Variants in FEV observed in about 807,000 individuals in gnomAD.
The protein encoded by FEV is FEV transcription factor, ETS family member.
In FEV, 14 loss-of-function variants were observed where a neutral mutation model predicts 20.5. That is an observed-to-expected ratio of 0.68 (90% CI 0.45 to 1.07). The LOEUF is 1.07. Ranked by LOEUF, FEV falls within the 50% of genes least tolerant of loss-of-function variation. The pLI is 0.00. For missense variants in FEV, 301 were observed against 345.3 expected (o/e 0.87, Z 1.02); for synonymous variants, 188 against 163.7 (o/e 1.15, Z -1.13).
chr2:218,982,171 A>T lies in FEV; in HGVS notation c.213T>A (p.Gly71=). 2 of 1,612,730 alleles carry T rather than the reference A, an allele frequency of 1.2e-6. No individual in the cohort carries two copies. Among genetic ancestry groups the T allele is most frequent in the Non-Finnish European group, 1.7e-6 (2 of 1,179,678 alleles). ...ANAGCIAWEG[G]HGEFKLTDPD... Reference sequence around the variant, plus strand: ...GGTCCGTGAGCTTGAACTCGCCGTGACCGCCCTCCCACGCGATGCAGCCGG... The same window carrying T: ...GGTCCGTGAGCTTGAACTCGCCGTGTCCGCCCTCCCACGCGATGCAGCCGG... Residue 71 remains glycine (G), a synonymous_variant, in exon 3 of 3, where the codon GGT becomes GGA. Transcript: ENST00000295727.
intron 2 of FEV, among the ~76,000 whole-genome samples, chr2:218,982,967 G>C (rs1945405044): frequency 6.6e-6 from 1 of 152,236 alleles, no homozygotes; most frequent in Non-Finnish European, 1.5e-5. Context: ...ACCTTCGGGT[G>C]CGCAGGCCTC....
chr2:218,983,814 G>C (rs1345276930), intron 2 of FEV, among the ~76,000 whole-genome samples: 3 of 152,184 alleles, frequency 2.0e-5, no homozygotes, highest in Non-Finnish European at 4.4e-5. Flanking sequence ...AGCGCCGGAG[G>C]GTGAAGCAGG....
Position 218,984,260 on chromosome 2 carries a change from C to T in FEV, c.98G>A (p.Trp33Ter). ...CTGAACCGCGGGGCTCAGCGGCCCC[C>T]AGCTCGGGTTCTTCCCGTCCTTGAA... ...GLFKDGKNPS[W>*]GPLSPAVQKG... is the part of the protein sequence containing the mutation. Residue 33 changes from tryptophan (W) to a stop codon, truncating the protein, a stop_gained, in exon 2 of 3, where the codon TGG becomes TAG. Transcript: ENST00000295727. LOFTEE classifies it high-confidence loss of function. This position sits in a 1 kb window ranked among gnomAD's most constrained non-coding sequence, Gnocchi z 5.0. 1.2e-6 allele frequency: 2 copies of T among 1,602,284 alleles called. No homozygotes were observed. Among genetic ancestry groups the T allele is most frequent in the South Asian group, 1.1e-5 (1 of 88,994 alleles).
At position 218,981,769 on chromosome 2, in the gene FEV, G is replaced by A; in HGVS notation, c.615C>T (p.Ala205=). ...WPGPGPAATA[A]AATAALYPSP... is the part of the protein sequence containing the mutation. ...TGGGGTAGAGCGCGGCGGTGGCGGC[G>A]GCAGCGGTGGCGGCGGGGCCCGGGC... Residue 205 remains alanine, a synonymous_variant, in exon 3 of 3, where the codon GCC becomes GCT. Coordinates refer to ENST00000295727, the MANE Select transcript of FEV (RefSeq NM_017521.3). This position sits in a 1 kb window ranked among gnomAD's most constrained non-coding sequence, Gnocchi z 4.5. The A allele has an allele frequency of 7.9e-7, 1 of 1,268,458 alleles. No homozygotes were observed. The highest frequency in any genetic ancestry group is 9.9e-7 in the Non-Finnish European group (1 of 1,014,442). 78.6% of individuals were successfully genotyped at this position (1,268,458 alleles called of 1,614,324 possible).
In FEV at chr2:218,984,951, C is replaced by G; in HGVS notation, c.52+73G>C. On this transcript the variant is annotated intron_variant, in intron 1 of 2. Coordinates refer to ENST00000295727, the MANE Select transcript of FEV (RefSeq NM_017521.3). The surrounding 1 kb of genome is among the most constrained non-coding windows in gnomAD (Gnocchi z 5.0). The stretch of plus-strand genomic sequence containing the variant: ...TCTCCTTCCCCTGGACCCCAGCACT[C>G]TCTTCCCATGCCTGAGCCTAGACTT... 1 of 1,381,714 alleles carries G rather than the reference C, an allele frequency of 7.2e-7. No homozygotes were observed. Among genetic ancestry groups the G allele is most frequent in the East Asian group, 2.5e-5 (1 of 40,132 alleles). 85.6% of individuals were successfully genotyped at this position (1,381,714 alleles called of 1,614,324 possible). A position where few individuals can be genotyped will look rare whatever the true frequency, so the allele number is the denominator to read the frequency against.
chr2:218,984,241 C>A lies in FEV; in HGVS notation c.117G>T (p.Ala39=). ...KNPSWGPLSP[A]VQKGSGQIQL... ...CGCCGGCCATCTCACCTTTCTGAAC[C>A]GCGGGGCTCAGCGGCCCCCAGCTCG... The change falls in exon 2 of 3, where the codon GCG becomes GCT. Residue 39 remains alanine, a synonymous_variant. Transcript: ENST00000295727. This position sits in a 1 kb window ranked among gnomAD's most constrained non-coding sequence, Gnocchi z 5.0. 1 of 1,597,716 alleles carries A rather than the reference C, an allele frequency of 6.3e-7. No homozygotes were observed. The highest frequency in any genetic ancestry group is 1.7e-5 in the Admixed American group (1 of 58,306).
At position 218,981,664 on chromosome 2, in the gene FEV, C is replaced by A; in HGVS notation, c.*3G>T. 7.6e-7 allele frequency: 1 copy of A among 1,308,698 alleles called. No individual in the cohort carries two copies. The highest frequency in any genetic ancestry group is 2.4e-5 in the South Asian group (1 of 41,548). 81.1% of individuals were successfully genotyped at this position (1,308,698 alleles called of 1,614,324 possible). A position where few individuals can be genotyped will look rare whatever the true frequency, so the allele number is the denominator to read the frequency against. On this transcript the variant is annotated 3_prime_UTR_variant, in exon 3 of 3. Transcript: ENST00000295727. The surrounding 1 kb of genome is among the most constrained non-coding windows in gnomAD (Gnocchi z 4.5). Reference sequence around the variant, plus strand: ...CGAGGCCGCAGGCACCCGACCGCCCCGTCTAGTGGTAATGGCCCCCCAAGT... The same window carrying A: ...CGAGGCCGCAGGCACCCGACCGCCCAGTCTAGTGGTAATGGCCCCCCAAGT...
In FEV at chr2:218,981,663, C is replaced by A; in HGVS notation, c.*4G>T. The A allele has an allele frequency of 1.5e-6, 2 of 1,307,934 alleles. No individual in the cohort carries two copies. The highest frequency in any genetic ancestry group is 4.1e-5 in the Admixed American group (1 of 24,550). 81.0% of individuals were successfully genotyped at this position (1,307,934 alleles called of 1,614,324 possible). On this transcript the variant is annotated 3_prime_UTR_variant, in exon 3 of 3. Transcript: ENST00000295727. This position sits in a 1 kb window ranked among gnomAD's most constrained non-coding sequence, Gnocchi z 4.5. The stretch of plus-strand genomic sequence containing the variant: ...GCGAGGCCGCAGGCACCCGACCGCC[C>A]CGTCTAGTGGTAATGGCCCCCCAAG...
Position 218,981,779 on chromosome 2 carries a change from GC to G in FEV, c.604del (p.Ala202ProfsTer157). 7 of 1,266,304 alleles carry G rather than the reference GC, an allele frequency of 5.5e-6. No homozygotes were observed. The highest frequency in any genetic ancestry group is 6.9e-6 in the Non-Finnish European group (7 of 1,013,114). The allele number at this position is 1,266,304 out of a possible 1,614,324, so 78.4% of individuals were successfully genotyped here. ...FSYWPGPGPA[A>X]TAAAATAALY... ...CGCGGCGGTGGCGGCGGCAGCGGTG[GC>G]GGCGGGGCCCGGGCCCGGCCAGTAG... On this transcript the variant is annotated frameshift_variant, in exon 3 of 3. Transcript: ENST00000295727. LOFTEE classifies it high-confidence loss of function. This position sits in a 1 kb window ranked among gnomAD's most constrained non-coding sequence, Gnocchi z 4.5.
chr2:218,982,180 C>T lies in FEV; in HGVS notation c.204G>A (p.Trp68Ter). 1 of 1,612,572 alleles carries T rather than the reference C, an allele frequency of 6.2e-7. No homozygotes were observed. Among genetic ancestry groups the T allele is most frequent in the Non-Finnish European group, 8.5e-7 (1 of 1,179,576 alleles). The change falls in exon 3 of 3, where the codon TGG (tryptophan) becomes TGA (stop). Residue 68 changes from tryptophan to a stop codon, truncating the protein, a stop_gained. Transcript: ENST00000295727. LOFTEE classifies it high-confidence loss of function. ...GCTTGAACTCGCCGTGACCGCCCTC[C>T]CACGCGATGCAGCCGGCGTTCGCGC... ...ADRANAGCIA[W>*]EGGHGEFKLT...
chr2:218,983,821 C>T (rs1302075711), intron 2 of FEV, among the ~76,000 whole-genome samples: 1 of 152,168 alleles, frequency 6.6e-6, no homozygotes, highest in Non-Finnish European at 1.5e-5. Flanking sequence ...GAGGGTGAAG[C>T]AGGTGGCAGT....
chr2:218,984,849 C>T lies in FEV; in HGVS notation c.52+175G>A, dbSNP rs1378252795. On this transcript the variant is annotated intron_variant, in intron 1 of 2. Transcript: ENST00000295727. The surrounding 1 kb of genome is among the most constrained non-coding windows in gnomAD (Gnocchi z 5.0). ...CTAGACCCTGCACTGAAACCCAGAG[C>T]TCTCTATCTGCCTTTAGGTCTCCCC... is the stretch of plus-strand genomic sequence containing the variant. Among the ~76,000 whole-genome samples, 2 of 152,214 alleles carry T rather than the reference C, an allele frequency of 1.3e-5. No individual in the cohort carries two copies. The highest frequency in any genetic ancestry group is 2.4e-5 in the African/African-American group (1 of 41,456).
rs1945386503 is a variant in FEV at position 218,981,615 on chromosome 2, CG to C, written c.*51del. 25 of 1,239,246 alleles carry C rather than the reference CG, an allele frequency of 2.0e-5. No individual in the cohort carries two copies. Among genetic ancestry groups the C allele is most frequent in the Non-Finnish European group, 2.3e-5 (23 of 984,644 alleles). The allele number at this position is 1,239,246 out of a possible 1,614,324, so 76.8% of individuals were successfully genotyped here. A position where few individuals can be genotyped will look rare whatever the true frequency, so the allele number is the denominator to read the frequency against. ...GCCCTCCCCGGGATGCCGATGGGAT[CG>C]GGCGAGACTCTAGGCGTGCGGGCGA... On this transcript the variant is annotated 3_prime_UTR_variant, in exon 3 of 3. Coordinates refer to ENST00000295727, the MANE Select transcript of FEV (RefSeq NM_017521.3). The surrounding 1 kb of genome is among the most constrained non-coding windows in gnomAD (Gnocchi z 4.5).
rs772468410 is a variant in FEV at position 218,982,201 on chromosome 2, C to G, written c.183G>C (p.Ala61=). 1 of 1,610,176 alleles carries G rather than the reference C, an allele frequency of 6.2e-7. No homozygotes were observed. The highest frequency in any genetic ancestry group is 8.5e-7 in the Non-Finnish European group (1 of 1,178,718). ...CCTCCCACGCGATGCAGCCGGCGTT[C>G]GCGCGGTCAGCCAGCAGCTCCAGCA... is the stretch of plus-strand genomic sequence containing the variant. ...QFLLELLADR[A]NAGCIAWEGG... The change falls in exon 3 of 3, where the codon GCG becomes GCC. Residue 61 remains alanine, a synonymous_variant. Coordinates refer to ENST00000295727, the MANE Select transcript of FEV (RefSeq NM_017521.3).
intron 2 of FEV, among the ~76,000 whole-genome samples, chr2:218,983,024 A>T (rs1945405493): frequency 6.6e-6 from 1 of 152,120 alleles, no homozygotes; most frequent in Admixed American, 6.5e-5. Flanking sequence ...AACAGGCGGG[A>T]TTCCCTGCCT....
Position 218,981,851 on chromosome 2 carries a change from A to G in FEV, c.533T>C (p.Leu178Pro). The change falls in exon 3 of 3, where the codon CTC becomes CCC. Residue 178 changes from leucine to proline, a missense_variant. Coordinates refer to ENST00000295727, the MANE Select transcript of FEV (RefSeq NM_017521.3). This position sits in a 1 kb window ranked among gnomAD's most constrained non-coding sequence, Gnocchi z 4.5. ...CCCGGCCGAGGCGGCCATGAGGTTG[A>G]GTTTGGAGAGGCCGGGGAAGGGCAG... is the stretch of plus-strand genomic sequence containing the variant. ...APLPFPGLSK[L>P]NLMAASAGVA... The G allele has an allele frequency of 8.1e-7, 1 of 1,237,414 alleles. No individual in the cohort carries two copies. Among genetic ancestry groups the G allele is most frequent in the Non-Finnish European group, 1.0e-6 (1 of 995,576 alleles). The allele number at this position is 1,237,414 out of a possible 1,614,324, so 76.7% of individuals were successfully genotyped here.
rs577916541 is a variant in FEV, at chr2:218,984,576, T to A, written c.53-271A>T. The A allele has an allele frequency of 9.7e-6, 4 of 410,318 alleles. No individual in the cohort carries two copies. Among genetic ancestry groups the A allele is most frequent in the African/African-American group, 8.2e-5 (4 of 48,902 alleles). The allele number at this position is 410,318 out of a possible 1,614,324, so 25.4% of individuals were successfully genotyped here. On this transcript the variant is annotated intron_variant, in intron 1 of 2. Coordinates refer to ENST00000295727, the MANE Select transcript of FEV (RefSeq NM_017521.3). The surrounding 1 kb of genome is among the most constrained non-coding windows in gnomAD (Gnocchi z 5.0). ...AGCCTTATAAAGCCGAGCGGGGAAC[T>A]GCGCCAGCCGAGCTGGAGCGCGAAG...
At position 218,982,120 on chromosome 2, in the gene FEV, G is replaced by T. The variant is rs373955525; in HGVS notation, c.264C>A (p.Gly88=). ...TCATGTTGGGCTTGCTCTTGCGCTC[G>T]CCCCACCGCCGCGCCACCTCGTCCG... ...TDPDEVARRW[G]ERKSKPNMNY... is the part of the protein sequence containing the mutation. The change falls in exon 3 of 3, where the codon GGC becomes GGA. Residue 88 remains glycine (G), a synonymous_variant. Coordinates refer to ENST00000295727, the MANE Select transcript of FEV (RefSeq NM_017521.3). The T allele has an allele frequency of 2.5e-6, 4 of 1,613,522 alleles. No individual in the cohort carries two copies. Among genetic ancestry groups the T allele is most frequent in the Non-Finnish European group, 3.4e-6 (4 of 1,179,874 alleles).
Position 218,984,100 on chromosome 2 carries a change from CT to C in FEV, c.127+130del. 1.2e-6 allele frequency: 1 copy of C among 861,092 alleles called. No homozygotes were observed. The highest frequency in any genetic ancestry group is 1.7e-6 in the Non-Finnish European group (1 of 573,058). 53.3% of individuals were successfully genotyped at this position (861,092 alleles called of 1,614,324 possible). ...AACCAAGTGACTGTCTTCCCAAGGC[CT>C]CCGCACAACCAGGCCAGGACTCCGG... is the stretch of plus-strand genomic sequence containing the variant. On this transcript the variant is annotated intron_variant, in intron 2 of 2. Coordinates refer to ENST00000295727, the MANE Select transcript of FEV (RefSeq NM_017521.3). This position sits in a 1 kb window ranked among gnomAD's most constrained non-coding sequence, Gnocchi z 5.0.
Sources: allele counts gnomAD v4.1 joint callset (sites outside exome capture counted in the v4.1 genomes callset), GRCh38; gene constraint gnomAD v4.1.1; non-coding constraint Gnocchi (gnomAD v3.1); transcripts MANE v1.5; gene names NCBI Gene and HGNC (gene_info 2026-07-23, HGNC 2026-07-21).